The following TBC1D16 variants were observed in gnomAD, a reference collection of about 807,000 sequenced individuals.
TBC1D16 encodes TBC1 domain family member 16.
Under a neutral mutation model 74.7 loss-of-function variants are expected in TBC1D16, and 58 were observed. The observed-to-expected ratio is 0.78, with a 90% CI of 0.63 to 0.97. The LOEUF (loss-of-function observed/expected upper bound fraction) is 0.97. Among genes scored for constraint, TBC1D16 ranks in the 50% least tolerant of loss-of-function variants. The pLI, the probability that TBC1D16 is intolerant of heterozygous loss-of-function variation, is 0.00. For synonymous variants in TBC1D16, 493 were observed against 474.7 expected (o/e 1.04, Z -0.50); for missense variants, 1,014 against 1,079.5 (o/e 0.94, Z 0.85).
At position 80,010,336 on chromosome 17, in the gene TBC1D16, C is replaced by T; in HGVS notation, c.603G>A (p.Glu201=). The part of the protein sequence containing the change: ...SPQDVTEEGR[E]PRPEAGEEDG... ...CCTCCTCCCCGGCCTCGGGCCGCGG[C>T]TCCCGCCCCTCCTCGGTGACATCCT... Residue 201 remains glutamate, a synonymous_variant, in exon 3 of 12, where the codon GAG becomes GAA. Coordinates refer to ENST00000310924, the MANE Select transcript of TBC1D16 (RefSeq NM_019020.4). The surrounding 1 kb of genome is among the most constrained non-coding windows in gnomAD (Gnocchi z 8.8). The T allele has an allele frequency of 1.2e-6, 2 of 1,610,532 alleles. No individual in the cohort carries two copies.
chr17:80,003,837 C>T (rs2035580812), intron 3 of TBC1D16, among the ~76,000 whole-genome samples: 1 of 152,058 alleles, frequency 6.6e-6, no homozygotes, highest in Non-Finnish European at 1.5e-5. Context: ...GTCACTTGAG[C>T]CTAGGAGTTT....
rs1467766309 is a variant in TBC1D16, at chr17:80,035,016, A to G, written c.-63+779T>C. On this transcript the variant is annotated intron_variant, in intron 1 of 11. Coordinates refer to ENST00000310924, the MANE Select transcript of TBC1D16 (RefSeq NM_019020.4). The surrounding 1 kb of genome is among the most constrained non-coding windows in gnomAD (Gnocchi z 5.3). ...CAGACAGTAAAACAAACTTTACCATAAGGCGAGACTAACTTTTGTTATGTC... is the reference window on the plus strand; with the variant it reads ...CAGACAGTAAAACAAACTTTACCATGAGGCGAGACTAACTTTTGTTATGTC... Among the ~76,000 whole-genome samples, 1 of 152,216 alleles carries G rather than the reference A, an allele frequency of 6.6e-6. No individual in the cohort carries two copies. Among genetic ancestry groups the G allele is most frequent in the Non-Finnish European group, 1.5e-5 (1 of 68,034 alleles).
At chr17:79,960,779 C>CAAAAAAAAAAAAAAACAAAAAAAAA (rs2033560938) in intron 3 of TBC1D16, among the ~76,000 whole-genome samples, 31 of 33,918 alleles carry the variant, frequency 9.1e-4, no homozygotes, top group Non-Finnish European at 1.2e-3. Flanking sequence ...AACAAAAACC[C>CAAAAAAAAAAAAAAACAAAAAAAAA]AAAAAAAAAA....
At chr17:80,003,766 C>G (rs1460962266) in intron 3 of TBC1D16, among the ~76,000 whole-genome samples, 1 of 152,210 alleles carries the variant, frequency 6.6e-6, no homozygotes. Flanking sequence ...TTATATTCAT[C>G]AGGGCCGGGC....
rs908101249 is a variant in TBC1D16 at position 79,979,137 on chromosome 17, C to T, written c.780-26319G>A. 2.0e-5 allele frequency among the ~76,000 whole-genome samples: 3 copies of T among 152,224 alleles called. No homozygotes were observed. Among genetic ancestry groups the T allele is most frequent in the Admixed American group, 6.5e-5 (1 of 15,288 alleles). On this transcript the variant is annotated intron_variant, in intron 3 of 11. Coordinates refer to ENST00000310924, the MANE Select transcript of TBC1D16 (RefSeq NM_019020.4). The surrounding 1 kb of genome is among the most constrained non-coding windows in gnomAD (Gnocchi z 4.8). The stretch of plus-strand genomic sequence containing the variant: ...ACGCTCTCAGCCTGTCCATCAGCAG[C>T]ACACCTGGGAGATTCTGCCCAACCT...
intron 7 of TBC1D16, 74 bp downstream of exon 7, chr17:79,949,643 C>A: frequency 6.5e-7 from 1 of 1,540,640 alleles, no homozygotes; most frequent in Admixed American, 1.9e-5. Context: ...CTGAATTGCA[C>A]CTCAAATTGC....
At chr17:79,982,974 G>A (rs1239596653) in intron 3 of TBC1D16, among the ~76,000 whole-genome samples, 2 of 152,180 alleles carry the variant, frequency 1.3e-5, no homozygotes, top group East Asian at 1.9e-4. Flanking sequence ...GTGTGTACAC[G>A]TAAATACTGA....
At chr17:79,946,645 T>G (rs1303896789) in intron 9 of TBC1D16, among the ~76,000 whole-genome samples, 1 of 152,086 alleles carries the variant, frequency 6.6e-6, no homozygotes, top group Non-Finnish European at 1.5e-5. Flanking sequence ...GTCCTGGGGG[T>G]GGGGACCCCC....
intron 2 of TBC1D16, among the ~76,000 whole-genome samples, chr17:80,012,415 G>A (rs1376894801): frequency 2.0e-5 from 3 of 152,122 alleles, no homozygotes; most frequent in Admixed American, 6.6e-5. Context: ...CCAACCAGCC[G>A]GTGGCTATAA....
chr17:79,989,692 G>A (rs1397932061), intron 3 of TBC1D16, among the ~76,000 whole-genome samples: 2 of 152,244 alleles, frequency 1.3e-5, no homozygotes, highest in Non-Finnish European at 2.9e-5. Flanking sequence ...TACAACCTTT[G>A]TTCAAATACA....
At chr17:80,032,418 G>A (rs931057544) in intron 1 of TBC1D16, among the ~76,000 whole-genome samples, 1 of 150,382 alleles carries the variant, frequency 6.6e-6, no homozygotes, top group Non-Finnish European at 1.5e-5. Context: ...GGCAGAAATC[G>A]AACTTAGTCT....
rs1381363244 is a variant in TBC1D16 at position 79,999,915 on chromosome 17, G to C, written c.779+10245C>G. Among the ~76,000 whole-genome samples the C allele has an allele frequency of 3.9e-5, 6 of 152,100 alleles. No homozygotes were observed. The South Asian group carries it at 1.2e-3, about 32-fold the overall frequency. ...AGCCCATTTCTATAGTGTCTTTGCCGGGGCCCCAGCAACCTGTCTGGGACT... is the reference window on the plus strand; with the variant it reads ...AGCCCATTTCTATAGTGTCTTTGCCCGGGCCCCAGCAACCTGTCTGGGACT... On this transcript the variant is annotated intron_variant, in intron 3 of 11. Transcript: ENST00000310924.
chr17:79,943,601 G>A (rs901563819), intron 10 of TBC1D16, among the ~76,000 whole-genome samples: 9 of 128,354 alleles, frequency 7.0e-5, no homozygotes, highest in Admixed American at 2.0e-4. Flanking sequence ...CAAATTGATC[G>A]AGGGATGGGA....
At chr17:80,016,817 C>A (rs1446003660) in intron 1 of TBC1D16, among the ~76,000 whole-genome samples, 1 of 152,220 alleles carries the variant, frequency 6.6e-6, no homozygotes, top group Admixed American at 6.5e-5. Context: ...GTCTCCATGG[C>A]TGCTGACTTC....
intron 1 of TBC1D16, among the ~76,000 whole-genome samples, chr17:80,031,024 T>C (rs1465577700): frequency 1.3e-5 from 2 of 152,178 alleles, no homozygotes; most frequent in Non-Finnish European, 2.9e-5. Context: ...GAACGTCTGC[T>C]GCTGGCATGC....
At chr17:79,967,228 T>C (rs1482328778) in intron 3 of TBC1D16, among the ~76,000 whole-genome samples, 1 of 151,430 alleles carries the variant, frequency 6.6e-6, no homozygotes, top group Non-Finnish European at 1.5e-5. Context: ...TTAGGCAAGA[T>C]AAAGAAATAA....
In TBC1D16 at chr17:79,941,024, G is replaced by T. The variant is rs750152804; in HGVS notation, c.2139C>A (p.Gly713=). The change falls in exon 12 of 12, where the codon GGC becomes GGA. Residue 713 remains glycine (G), a synonymous_variant. Coordinates refer to ENST00000310924, the MANE Select transcript of TBC1D16 (RefSeq NM_019020.4). The surrounding 1 kb of genome is among the most constrained non-coding windows in gnomAD (Gnocchi z 4.3). ...CGGGCATGGAGCCGCTGTCCCACAT[G>T]CCTGACCCGCACAGCTTACACAGAT... The part of the protein sequence containing the change: ...LHDLCKLCGS[G]MWDSGSMPAV... 1 of 1,607,986 alleles carries T rather than the reference G, an allele frequency of 6.2e-7. No individual in the cohort carries two copies. The highest frequency in any genetic ancestry group is 1.7e-5 in the Admixed American group (1 of 59,612).
At position 79,994,110 on chromosome 17, in the gene TBC1D16, G is replaced by A. The variant is rs1156553745; in HGVS notation, c.779+16050C>T. Among the ~76,000 whole-genome samples, 3 of 152,106 alleles carry A rather than the reference G, an allele frequency of 2.0e-5. No individual in the cohort carries two copies. Among genetic ancestry groups the A allele is most frequent in the African/African-American group, 7.2e-5 (3 of 41,400 alleles). ...CACTTATTTCCTCCCTGTCCTGACA[G>A]TTTTACTAGAAAGGTCAGCTTTTTA... On this transcript the variant is annotated intron_variant, in intron 3 of 11. Coordinates refer to ENST00000310924, the MANE Select transcript of TBC1D16 (RefSeq NM_019020.4). The surrounding 1 kb of genome is among the most constrained non-coding windows in gnomAD (Gnocchi z 4.6).
At chr17:80,022,211 C>A (rs957871393) in intron 1 of TBC1D16, among the ~76,000 whole-genome samples, 1 of 150,008 alleles carries the variant, frequency 6.7e-6, no homozygotes, top group Non-Finnish European at 1.5e-5. Context: ...ACTAAAGTAT[C>A]GAGCAGTTCA....
Sources: gnomAD v4.1 joint callset for allele counts (sites outside exome capture counted in the v4.1 genomes callset) on GRCh38, gnomAD v4.1.1 for gene constraint, Gnocchi (gnomAD v3.1) non-coding constraint, MANE v1.5 for transcripts, NCBI Gene and HGNC (gene_info 2026-07-23, HGNC 2026-07-21) for gene names.